The following EEF2K variants were observed in gnomAD, a reference collection of about 807,000 sequenced individuals.
The protein encoded by EEF2K is alternative protein EEF2K.
EEF2K carries 70 observed loss-of-function variants against 93.8 expected under a neutral mutation model. That is an observed-to-expected ratio of 0.75 (90% CI 0.62 to 0.91). EEF2K has a LOEUF of 0.91. Ranked by LOEUF, EEF2K falls within the 40% of genes least tolerant of loss-of-function variation. EEF2K has a pLI of 0.00. For missense variants in EEF2K, 935 were observed against 972.9 expected, an observed-to-expected ratio of 0.96 and a Z score of 0.52; for synonymous variants, 376 against 380.8, an observed-to-expected ratio of 0.99 and a Z score of 0.15.
intron 1 of EEF2K, among the ~76,000 whole-genome samples, chr16:22,219,139 T>A (rs1411616285): frequency 6.6e-6 from 1 of 152,074 alleles, no homozygotes; most frequent in Non-Finnish European, 1.5e-5. Flanking sequence ...GCTGGGCATC[T>A]TGCCTGGTGT....
At chr16:22,231,234 G>A (rs1296760247) in intron 2 of EEF2K, among the ~76,000 whole-genome samples, 2 of 151,656 alleles carry the variant, frequency 1.3e-5, no homozygotes, top group African/African-American at 2.4e-5. Context: ...GATTACAGCC[G>A]CCCGCCACCA....
chr16:22,245,280 A>T (rs1176126671), intron 3 of EEF2K, among the ~76,000 whole-genome samples: 3 of 152,118 alleles, frequency 2.0e-5, no homozygotes, highest in Non-Finnish European at 4.4e-5. Flanking sequence ...AAATAAAATA[A>T]AATAAAATTG....
At chr16:22,256,936 C>A in intron 7 of EEF2K, 39 bp downstream of exon 7, 1 of 1,609,664 alleles carries the variant, frequency 6.2e-7, no homozygotes. Context: ...CCCACCACAG[C>A]CCTTGGGGTG....
intron 2 of EEF2K, among the ~76,000 whole-genome samples, chr16:22,241,064 G>A (rs745438269): frequency 6.6e-6 from 1 of 151,882 alleles, no homozygotes; most frequent in Non-Finnish European, 1.5e-5. Flanking sequence ...CACCGCGCCC[G>A]GCCTAAACTG....
chr16:22,237,106 A>G (rs187863404), intron 2 of EEF2K, among the ~76,000 whole-genome samples: 36 of 151,298 alleles, frequency 2.4e-4, no homozygotes, highest in African/African-American at 8.7e-4. Flanking sequence ...CACCACGCCC[A>G]GCTAATTTTT....
intron 2 of EEF2K, among the ~76,000 whole-genome samples, chr16:22,227,702 C>T (rs191689882): frequency 6.6e-6 from 1 of 152,266 alleles, no homozygotes; most frequent in Admixed American, 6.5e-5. Flanking sequence ...CCCCATTTAT[C>T]AGCAGAGACA....
chr16:22,244,870 C>A, intron 3 of EEF2K, 140 bp downstream of exon 3: 1 of 825,374 alleles, frequency 1.2e-6, no homozygotes, highest in Admixed American at 2.3e-5. Flanking sequence ...CATGCTAATG[C>A]GTGCTTAAGG....
At chr16:22,242,386 A>C (rs1166524911) in intron 2 of EEF2K, among the ~76,000 whole-genome samples, 1 of 151,338 alleles carries the variant, frequency 6.6e-6, no homozygotes, top group Non-Finnish European at 1.5e-5. Context: ...CAGTGGCCTG[A>C]TCTCCATTCA....
rs187044361 is a variant in EEF2K at position 22,230,297 on chromosome 16, T to A, written c.246+4322T>A. On this transcript the variant is annotated intron_variant, in intron 2 of 17. Coordinates refer to ENST00000263026, the MANE Select transcript of EEF2K (RefSeq NM_013302.5). ...GGTGTGATCCTGGCTCACTGCAACC[T>A]CCACTTCCTAGGTTCAAGTGATTCT... Among the ~76,000 whole-genome samples the A allele has an allele frequency of 9.6e-3, 1,464 of 151,820 alleles. 23 individuals are homozygous for A. Among genetic ancestry groups the A allele is most frequent in the African/African-American group, 0.033 (1,370 of 41,372 alleles).
chr16:22,210,921 C>A (rs1490040792), intron 1 of EEF2K, among the ~76,000 whole-genome samples: 1 of 152,166 alleles, frequency 6.6e-6, no homozygotes, highest in Admixed American at 6.6e-5. Context: ...TGCTACCAAT[C>A]TGTTCTGGGC....
chr16:22,249,922 C>T (rs9938294), intron 4 of EEF2K, among the ~76,000 whole-genome samples: 3,306 of 152,054 alleles, frequency 0.022, 139 homozygotes, highest in African/African-American at 0.075. Context: ...GCTAGGATTA[C>T]AGGCATGCAC....
rs2047430982 is a variant in EEF2K, at chr16:22,258,578, CT to C, written c.1115del (p.Leu372ArgfsTer14). On this transcript the variant is annotated frameshift_variant, in exon 10 of 18. Coordinates refer to ENST00000263026, the MANE Select transcript of EEF2K (RefSeq NM_013302.5). LOFTEE classifies it high-confidence loss of function. The stretch of plus-strand genomic sequence containing the variant: ...GACCCTCTCTGGGAGCCGGCCACCC[CT>C]GCTCCGTCCCCTTTCAGAGAACTCT... ...VRTLSGSRPP[L>X]LRPLSENSGD... The C allele has an allele frequency of 6.2e-7, 1 of 1,614,028 alleles. No individual in the cohort carries two copies. Among genetic ancestry groups the C allele is most frequent in the Admixed American group, 1.7e-5 (1 of 59,994 alleles).
At chr16:22,213,227 C>G (rs1229099400) in intron 1 of EEF2K, among the ~76,000 whole-genome samples, 2 of 152,180 alleles carry the variant, frequency 1.3e-5, no homozygotes, top group Non-Finnish European at 2.9e-5. Flanking sequence ...TTGCAGTGAG[C>G]CAAGATGTAG....
At chr16:22,253,448 C>T (rs1188391239) in intron 6 of EEF2K, among the ~76,000 whole-genome samples, 1 of 152,176 alleles carries the variant, frequency 6.6e-6, no homozygotes, top group East Asian at 1.9e-4. Flanking sequence ...TCCAGCCTGG[C>T]CTCCTTTCTC....
At chr16:22,231,916 G>C (rs1444904483) in intron 2 of EEF2K, among the ~76,000 whole-genome samples, 1 of 151,130 alleles carries the variant, frequency 6.6e-6, no homozygotes, top group Non-Finnish European at 1.5e-5. Flanking sequence ...CTTGAACCTG[G>C]GAGGCTGAGG....
chr16:22,241,308 A>G (rs1370039862), intron 2 of EEF2K, among the ~76,000 whole-genome samples: 1 of 152,106 alleles, frequency 6.6e-6, no homozygotes, highest in East Asian at 1.9e-4. Context: ...ACTCTTCTGT[A>G]AGGAGGTGAA....
chr16:22,257,768 C>A lies in EEF2K; in HGVS notation c.1027C>A (p.Leu343Met), dbSNP rs557933221. The change falls in exon 9 of 18, where the codon CTG becomes ATG. Residue 343 changes from leucine to methionine, a missense_variant and splice_region_variant. Leu to Met is a conservative substitution (Grantham distance 15). Transcript: ENST00000263026. Reference sequence around the variant, plus strand: ...TGCAGTGAATCAGAACACCAAGCTGCTGGTGGGTGCCCAGTGTGACCCTGC... The same window carrying A: ...TGCAGTGAATCAGAACACCAAGCTGATGGTGGGTGCCCAGTGTGACCCTGC... Reference protein sequence around the residue: ...RDAVNQNTKLLQSAKTILRGT... With the variant: ...RDAVNQNTKLMQSAKTILRGT... 2.7e-5 allele frequency: 43 copies of A among 1,613,422 alleles called. No homozygotes were observed. In the African/African-American group the frequency reaches 5.5e-4, roughly 20 times the overall value.
intron 2 of EEF2K, among the ~76,000 whole-genome samples, chr16:22,235,199 G>A (rs964356490): frequency 6.6e-6 from 1 of 151,574 alleles, no homozygotes; most frequent in Admixed American, 6.6e-5. Flanking sequence ...GGGAGACAGA[G>A]CAAGACTGTG....
At chr16:22,278,924 C>G (rs2047666427) in intron 16 of EEF2K, among the ~76,000 whole-genome samples, 1 of 152,096 alleles carries the variant, frequency 6.6e-6, no homozygotes, top group Non-Finnish European at 1.5e-5. Flanking sequence ...CTGCATTGTG[C>G]TGGAGGCAAT....
Sources: gnomAD v4.1 joint callset for allele counts (sites outside exome capture counted in the v4.1 genomes callset) on GRCh38, gnomAD v4.1.1 for gene constraint, MANE v1.5 for transcripts, NCBI Gene and HGNC (gene_info 2026-07-23, HGNC 2026-07-21) for gene names.